The following PIK3AP1 variants were observed in gnomAD, a reference collection of about 807,000 sequenced individuals.
PIK3AP1 encodes phosphoinositide 3-kinase adapter protein 1.
A neutral mutation model predicts 88.1 loss-of-function variants in PIK3AP1; 21 were observed. The observed-to-expected ratio is 0.24, with a 90% confidence interval of 0.17 to 0.34. PIK3AP1 has a LOEUF of 0.34. Ranked by LOEUF, PIK3AP1 falls within the 10% of genes least tolerant of loss-of-function variation. The pLI, the probability that PIK3AP1 is intolerant of heterozygous loss-of-function variation, is 1.00. For missense variants in PIK3AP1, 828 were observed against 1,035.7 expected, an observed-to-expected ratio of 0.80 and a Z score of 2.75; for synonymous variants, 398 against 400.0, an observed-to-expected ratio of 1.00 and a Z score of 0.06.
Position 96,681,122 on chromosome 10 carries a change from C to G in PIK3AP1, c.431-24188G>C, listed in dbSNP as rs144790933. 4.5e-3 allele frequency among the ~76,000 whole-genome samples: 681 copies of G among 152,274 alleles called. 3 individuals are homozygous for G. Among genetic ancestry groups the G allele is most frequent in the African/African-American group, 0.016 (654 of 41,552 alleles). ...AGGGTTGTTTTTTTCTCGGGCCTCC[C>G]TGCTTGGTTGCAGATGGCTGGCTTC... On this transcript the variant is annotated intron_variant, in intron 2 of 16. Transcript: ENST00000339364.
intron 2 of PIK3AP1, among the ~76,000 whole-genome samples, chr10:96,675,658 C>G (rs1422152700): frequency 6.6e-6 from 1 of 152,130 alleles, no homozygotes; most frequent in Non-Finnish European, 1.5e-5. Context: ...CTATCTTGGG[C>G]AAGTTACTTG....
chr10:96,625,049 G>A (rs151120529), intron 10 of PIK3AP1, among the ~76,000 whole-genome samples: 1 of 152,220 alleles, frequency 6.6e-6, no homozygotes, highest in African/African-American at 2.4e-5. Context: ...AGACGGGGAA[G>A]CGGATGGTGC....
intron 7 of PIK3AP1, among the ~76,000 whole-genome samples, chr10:96,646,003 T>C (rs1483864752): frequency 1.3e-5 from 2 of 152,230 alleles, no homozygotes; most frequent in East Asian, 3.8e-4. Context: ...CTCACACCTG[T>C]AATCCCAGGA....
intron 12 of PIK3AP1, among the ~76,000 whole-genome samples, chr10:96,617,705 C>G (rs1212710173): frequency 6.6e-6 from 1 of 152,130 alleles, no homozygotes; most frequent in Non-Finnish European, 1.5e-5. Flanking sequence ...CAGGACCAAG[C>G]AGGACACACC....
Position 96,709,859 on chromosome 10 carries a change from C to A in PIK3AP1, c.138G>T (p.Arg46Ser). 1 of 1,613,986 alleles carries A rather than the reference C, an allele frequency of 6.2e-7. No homozygotes were observed. Among genetic ancestry groups the A allele is most frequent in the Non-Finnish European group, 8.5e-7 (1 of 1,180,014 alleles). Residue 46 changes from arginine to serine, a missense_variant, in exon 2 of 17, where the codon AGG (arginine) becomes AGT (serine). Transcript: ENST00000339364. ...CCGAGAAGGAGGCCTCGGGGCCCAG[C>A]CTGTGAGTCAGTATCTTCTGGCTGC... Reference protein sequence around the residue: ...QVRSQKILTHRLGPEASFSAE... With the variant: ...QVRSQKILTHSLGPEASFSAE...
At chr10:96,629,924 AAAAAAAAAG>A (rs1449226681) in intron 8 of PIK3AP1, among the ~76,000 whole-genome samples, 620 of 57,830 alleles carry the variant, frequency 0.011, 7 homozygotes, top group African/African-American at 0.041. Flanking sequence ...AAAAAAAAAA[AAAAAAAAAG>A]AAGAAGAAGA....
At chr10:96,672,713 A>G (rs534686934) in intron 2 of PIK3AP1, among the ~76,000 whole-genome samples, 1 of 151,638 alleles carries the variant, frequency 6.6e-6, no homozygotes, top group Admixed American at 6.6e-5. Context: ...CTTGTCCACC[A>G]ATGATAAAAC....
intron 12 of PIK3AP1, 132 bp downstream of exon 12, chr10:96,620,220 G>T: frequency 1.0e-6 from 1 of 969,120 alleles, no homozygotes; most frequent in Non-Finnish European, 1.6e-6. Context: ...GGTTCACAAT[G>T]AAACTCAAAC....
chr10:96,696,445 C>A (rs1311588502), intron 2 of PIK3AP1, among the ~76,000 whole-genome samples: 3 of 152,116 alleles, frequency 2.0e-5, no homozygotes, highest in Non-Finnish European at 2.9e-5. Flanking sequence ...CTCCAATGGG[C>A]AGATCAAGAA....
Position 96,720,389 on chromosome 10 carries a change from T to C in PIK3AP1, c.6A>G (p.Ala2=). 1 of 1,239,770 alleles carries C rather than the reference T, an allele frequency of 8.1e-7. No individual in the cohort carries two copies. Among genetic ancestry groups the C allele is most frequent in the Non-Finnish European group, 1.0e-6 (1 of 987,216 alleles). 76.8% of individuals were successfully genotyped at this position (1,239,770 alleles called of 1,614,324 possible). Residue 2 remains alanine, a synonymous_variant, in exon 1 of 17, where the codon GCA becomes GCG. Coordinates refer to ENST00000339364, the MANE Select transcript of PIK3AP1 (RefSeq NM_152309.3). The surrounding 1 kb of genome is among the most constrained non-coding windows in gnomAD (Gnocchi z 4.6). ...CGGCGCCTGCCTACCCACCTGAGGC[T>C]GCCATGCCGCGGGGCGCCGCTCACA... M[A]ASGVPRGCDI... is the part of the protein sequence containing the mutation.
chr10:96,629,927 A>AAAAAAAAAAAAAAAAAAG, intron 8 of PIK3AP1, among the ~76,000 whole-genome samples: 1 of 14,644 alleles, frequency 6.8e-5, no homozygotes, highest in Non-Finnish European at 1.8e-4. Flanking sequence ...AAAAAAAAAA[A>AAAAAAAAAAAAAAAAAAG]AAAAAGAAGA....
At chr10:96,689,369 CCTGGCTAACATGATGA>C (rs1844120187) in intron 2 of PIK3AP1, among the ~76,000 whole-genome samples, 1 of 151,356 alleles carries the variant, frequency 6.6e-6, no homozygotes, top group South Asian at 2.1e-4. Context: ...TCAAGACCAT[CCTGGCTAACATGATGA>C]AACCCCGTCT....
At chr10:96,711,771 G>T (rs1240225856) in intron 1 of PIK3AP1, among the ~76,000 whole-genome samples, 3 of 26,394 alleles carry the variant, frequency 1.1e-4, no homozygotes, top group African/African-American at 3.3e-4. Flanking sequence ...TTTTTTTTTA[G>T]ACGGAGTCTC....
chr10:96,710,914 T>C (rs1186495319), intron 1 of PIK3AP1, among the ~76,000 whole-genome samples: 1 of 152,212 alleles, frequency 6.6e-6, no homozygotes, highest in East Asian at 1.9e-4. Context: ...AATTGGTAGC[T>C]GGTGTCATCA....
chr10:96,711,836 C>T lies in PIK3AP1; in HGVS notation c.14-1853G>A, dbSNP rs188292857. 7.5e-3 allele frequency among the ~76,000 whole-genome samples: 1,098 copies of T among 146,846 alleles called. 5 individuals are homozygous for T. Among genetic ancestry groups the T allele is most frequent in the Middle Eastern group, 0.014 (4 of 278 alleles). ...CACGATCTCGGTTCACTGCAAGCTC[C>T]GCCTCCCGGGTTCACGCCATTCTCC... is the stretch of plus-strand genomic sequence containing the variant. On this transcript the variant is annotated intron_variant, in intron 1 of 16. Coordinates refer to ENST00000339364, the MANE Select transcript of PIK3AP1 (RefSeq NM_152309.3).
At chr10:96,707,628 A>T (rs895728653) in intron 2 of PIK3AP1, among the ~76,000 whole-genome samples, 1 of 152,184 alleles carries the variant, frequency 6.6e-6, no homozygotes, top group Non-Finnish European at 1.5e-5. Flanking sequence ...AATCTGTTAC[A>T]GCGTACAGTA....
At chr10:96,665,944 T>C (rs578080392) in intron 2 of PIK3AP1, among the ~76,000 whole-genome samples, 52 of 152,242 alleles carry the variant, frequency 3.4e-4, no homozygotes, top group African/African-American at 1.2e-3. Flanking sequence ...CTCCACACAG[T>C]GCACAGGACG....
intron 2 of PIK3AP1, among the ~76,000 whole-genome samples, chr10:96,667,413 T>C (rs1843779030): frequency 6.6e-6 from 1 of 152,238 alleles, no homozygotes; most frequent in African/African-American, 2.4e-5. Flanking sequence ...TGCCATTTCT[T>C]GAGCGGTTAC....
chr10:96,657,012 A>G, intron 2 of PIK3AP1, 78 bp from the exon 3 acceptor site: 1 of 1,455,960 alleles, frequency 6.9e-7, no homozygotes, highest in South Asian at 1.2e-5. Flanking sequence ...TGAGAGCCCC[A>G]AATATTGCAA....
Sources: allele counts gnomAD v4.1 joint callset (sites outside exome capture counted in the v4.1 genomes callset), GRCh38; gene constraint gnomAD v4.1.1; non-coding constraint Gnocchi (gnomAD v3.1); transcripts MANE v1.5; gene names NCBI Gene and HGNC (gene_info 2026-07-23, HGNC 2026-07-21).